Variants in NEMP2 observed in about 807,000 individuals in gnomAD.
NEMP2 encodes the protein nuclear envelope integral membrane protein 2.
In NEMP2, 53 loss-of-function variants were observed where a neutral mutation model predicts 54.2. That is an observed-to-expected ratio of 0.98 (90% CI 0.78 to 1.23). The LOEUF is 1.23. Ranked by LOEUF, NEMP2 falls within the 50% of genes most tolerant of loss-of-function variation. The pLI is 0.00. For missense variants in NEMP2, 455 were observed against 511.3 expected (o/e 0.89, Z 1.06); for synonymous variants, 197 against 190.3 (o/e 1.04, Z -0.29).
chr2:190,637,365 T>C, the NEMP2 span, among the ~76,000 whole-genome samples: 1 of 152,198 alleles, frequency 6.6e-6, no homozygotes, highest in African/African-American at 2.4e-5. The surrounding 1 kb of genome is among the most constrained non-coding windows in gnomAD (Gnocchi z 4.5). Context: ...CACAGCTTGA[T>C]TCTTGCACTC....
Position 190,531,979 on chromosome 2 carries a change from G to GAA in NEMP2, c.97+2578_97+2579dup, listed in dbSNP as rs35406133. On this transcript the variant is annotated intron_variant, in intron 1 of 8. Transcript: ENST00000409150. This position sits in a 1 kb window ranked among gnomAD's most constrained non-coding sequence, Gnocchi z 4.7. ...AAAACTGACATGGCCCTCATATGGG[G>GAA]AAAAAAAATATCTTCAGATGAAACT... Among the ~76,000 whole-genome samples, 1 of 151,654 alleles carries GAA rather than the reference G, an allele frequency of 6.6e-6. No individual in the cohort carries two copies. Among genetic ancestry groups the GAA allele is most frequent in the Non-Finnish European group, 1.5e-5 (1 of 67,920 alleles).
chr2:190,574,966 T>G, the NEMP2 span, among the ~76,000 whole-genome samples: 119 of 152,140 alleles, frequency 7.8e-4, no homozygotes, highest in African/African-American at 2.8e-3. Flanking sequence ...GCGATTCTCC[T>G]GCCTCAGCCT....
the NEMP2 span, among the ~76,000 whole-genome samples, chr2:190,639,478 T>G: frequency 6.6e-6 from 1 of 151,606 alleles, no homozygotes; most frequent in African/African-American, 2.4e-5. Flanking sequence ...TCGCAGTTTT[T>G]GTTGACCTCC....
the NEMP2 span, among the ~76,000 whole-genome samples, chr2:190,585,730 G>A: frequency 9.9e-4 from 150 of 152,176 alleles, no homozygotes; most frequent in African/African-American, 3.0e-3. This position sits in a 1 kb window ranked among gnomAD's most constrained non-coding sequence, Gnocchi z 5.3. Flanking sequence ...TCCTAATTTC[G>A]ATCCTATTGA....
the NEMP2 span, chr2:190,488,900 T>A: frequency 2.3e-6 from 3 of 1,300,866 alleles, no homozygotes; most frequent in Non-Finnish European, 3.1e-6. The surrounding 1 kb of genome is among the most constrained non-coding windows in gnomAD (Gnocchi z 6.4). Flanking sequence ...AACAATCCAA[T>A]TATTACTGAA....
chr2:190,467,345 G>C, the NEMP2 span, among the ~76,000 whole-genome samples: 1 of 151,868 alleles, frequency 6.6e-6, no homozygotes, highest in Non-Finnish European at 1.5e-5. The surrounding 1 kb of genome is among the most constrained non-coding windows in gnomAD (Gnocchi z 5.5). Flanking sequence ...TAAGGAGCTG[G>C]CTCATGCCTG....
the NEMP2 span, among the ~76,000 whole-genome samples, chr2:190,450,869 T>G: frequency 3.3e-5 from 5 of 152,230 alleles, no homozygotes; most frequent in Admixed American, 6.5e-5. Flanking sequence ...GAATAAACTT[T>G]CGGTTACATT....
chr2:190,534,937 C>T (rs1691319899), upstream of NEMP2: 1 of 304,006 alleles, frequency 3.3e-6, no homozygotes, highest in Middle Eastern at 8.8e-4. Context: ...CCTTGGCCTC[C>T]GGGCCTCCAG....
At chr2:190,572,096 A>G in the NEMP2 span, among the ~76,000 whole-genome samples, 2 of 152,108 alleles carry the variant, frequency 1.3e-5, no homozygotes, top group African/African-American at 2.4e-5. Flanking sequence ...GGTTTTTTTT[A>G]AAGTTTCCTC....
the NEMP2 span, among the ~76,000 whole-genome samples, chr2:190,476,291 T>A: frequency 6.6e-6 from 1 of 151,832 alleles, no homozygotes; most frequent in Non-Finnish European, 1.5e-5. Flanking sequence ...TGGGAGAAAA[T>A]TTTTGCAATC....
chr2:190,473,042 AT>A, the NEMP2 span, among the ~76,000 whole-genome samples: 1 of 152,198 alleles, frequency 6.6e-6, no homozygotes, highest in Non-Finnish European at 1.5e-5. Context: ...ATGCTGAGAG[AT>A]TTTGTCACCA....
rs1242254873 is a variant in NEMP2 at position 190,520,652 on chromosome 2, T to C, written c.214-1469A>G. ...AATATACACACCAATCCTTCCAGTA[T>C]CCTGACCTCTCAGTTCCTGGGACTC... On this transcript the variant is annotated intron_variant, in intron 2 of 8. Transcript: ENST00000409150. The surrounding 1 kb of genome is among the most constrained non-coding windows in gnomAD (Gnocchi z 5.4). 2.0e-5 allele frequency among the ~76,000 whole-genome samples: 3 copies of C among 152,200 alleles called. No individual in the cohort carries two copies. Among genetic ancestry groups the C allele is most frequent in the Non-Finnish European group, 4.4e-5 (3 of 68,036 alleles).
chr2:190,553,895 T>C, the NEMP2 span, among the ~76,000 whole-genome samples: 1 of 152,194 alleles, frequency 6.6e-6, no homozygotes, highest in Non-Finnish European at 1.5e-5. Context: ...TAGGAACAGC[T>C]CTGGTCTACA....
chr2:190,458,848 T>A, the NEMP2 span, among the ~76,000 whole-genome samples: 1 of 152,272 alleles, frequency 6.6e-6, no homozygotes, highest in Admixed American at 6.5e-5. The surrounding 1 kb of genome is among the most constrained non-coding windows in gnomAD (Gnocchi z 5.3). Flanking sequence ...CTCCCTCTAT[T>A]AGCTCTGTCT....
At chr2:190,447,970 A>G in the NEMP2 span, among the ~76,000 whole-genome samples, 1 of 152,210 alleles carries the variant, frequency 6.6e-6, no homozygotes, top group Non-Finnish European at 1.5e-5. The surrounding 1 kb of genome is among the most constrained non-coding windows in gnomAD (Gnocchi z 4.5). Flanking sequence ...AGAAAAGGCC[A>G]TTGTTGCAAA....
At chr2:190,593,878 AC>A in the NEMP2 span, among the ~76,000 whole-genome samples, 1 of 152,198 alleles carries the variant, frequency 6.6e-6, no homozygotes, top group Non-Finnish European at 1.5e-5. This position sits in a 1 kb window ranked among gnomAD's most constrained non-coding sequence, Gnocchi z 4.5. Flanking sequence ...CAGCTTCCCA[AC>A]TGGCATCCTG....
At chr2:190,441,672 T>C in the NEMP2 span, among the ~76,000 whole-genome samples, 59 of 152,202 alleles carry the variant, frequency 3.9e-4, 2 homozygotes, top group African/African-American at 1.3e-3. Context: ...CCTCTCTCTC[T>C]GTAGCTTTCT....
chr2:190,617,150 A>G, the NEMP2 span: 2 of 152,090 alleles, frequency 1.3e-5, no homozygotes, highest in Non-Finnish European at 2.9e-5. The surrounding 1 kb of genome is among the most constrained non-coding windows in gnomAD (Gnocchi z 5.0). Flanking sequence ...AATATTTGAA[A>G]TATTGAATTT....
At chr2:190,559,886 C>G in the NEMP2 span, among the ~76,000 whole-genome samples, 2 of 152,098 alleles carry the variant, frequency 1.3e-5, no homozygotes, top group Non-Finnish European at 2.9e-5. The surrounding 1 kb of genome is among the most constrained non-coding windows in gnomAD (Gnocchi z 4.0). Flanking sequence ...TGCAGAGTTG[C>G]AAGCTTTGCT....
Sources: gnomAD v4.1 joint callset for allele counts (sites outside exome capture counted in the v4.1 genomes callset) on GRCh38, gnomAD v4.1.1 for gene constraint, Gnocchi (gnomAD v3.1) non-coding constraint, MANE v1.5 for transcripts, NCBI Gene and HGNC (gene_info 2026-07-23, HGNC 2026-07-21) for gene names.